EXOC4: variants seen among roughly 807,000 people sequenced by gnomAD.
EXOC4 encodes the protein SEC8-like 1.
EXOC4 carries 71 observed loss-of-function variants against 107.2 expected under a neutral mutation model. The ratio of observed to expected loss-of-function variants is 0.66; its 90% CI spans 0.55 to 0.81. The LOEUF (loss-of-function observed/expected upper bound fraction) is 0.81. Ranked by LOEUF, EXOC4 falls within the 30% of genes least tolerant of loss-of-function variation. EXOC4 has a pLI of 0.00. For missense variants in EXOC4, 1,108 were observed against 1,189.6 expected (o/e 0.93, Z 1.01); for synonymous variants, 456 against 441.2 (o/e 1.03, Z -0.42).
intron 11 of EXOC4, among the ~76,000 whole-genome samples, chr7:133,892,925 G>A (rs1799227767): frequency 1.9e-5 from 2 of 105,444 alleles, no homozygotes; most frequent in South Asian, 7.7e-4. Context: ...GGAGAGTTCT[G>A]TAGATGTCTA....
At chr7:133,566,275 A>G (rs1177356966) in intron 9 of EXOC4, among the ~76,000 whole-genome samples, 1 of 152,214 alleles carries the variant, frequency 6.6e-6, no homozygotes, top group South Asian at 2.1e-4. Flanking sequence ...CCTATAAGTC[A>G]GAAGCCAGTA....
At chr7:133,480,509 C>A in intron 9 of EXOC4, 2 of 1,011,308 alleles carry the variant, frequency 2.0e-6, no homozygotes, top group Non-Finnish European at 2.4e-6. Context: ...GACAGGAGTA[C>A]CTGAGATTTG....
At chr7:133,488,852 G>A (rs1054212424) in intron 9 of EXOC4, among the ~76,000 whole-genome samples, 5 of 151,142 alleles carry the variant, frequency 3.3e-5, no homozygotes, top group Non-Finnish European at 3.0e-5. Flanking sequence ...GAATCTCAAA[G>A]GTAGTCATAT....
In EXOC4 at chr7:133,324,552, C is replaced by T. The variant is rs149825553; in HGVS notation, c.763+7162C>T. On this transcript the variant is annotated intron_variant, in intron 5 of 17. Coordinates refer to ENST00000253861, the MANE Select transcript of EXOC4 (RefSeq NM_021807.4). ...AGTTTCTTAATCCTGAGTTCTAATTCGATTGCACTGTTGTCTGAGAGACAG... is the reference window on the plus strand; with the variant it reads ...AGTTTCTTAATCCTGAGTTCTAATTTGATTGCACTGTTGTCTGAGAGACAG... Among the ~76,000 whole-genome samples the T allele has an allele frequency of 9.9e-3, 1,512 of 152,174 alleles. 13 individuals carry two copies. The highest frequency in any genetic ancestry group is 0.024 in the Middle Eastern group (7 of 294).
At chr7:133,400,498 T>C (rs564179610) in intron 7 of EXOC4, among the ~76,000 whole-genome samples, 1 of 152,322 alleles carries the variant, frequency 6.6e-6, no homozygotes, top group Admixed American at 6.5e-5. Flanking sequence ...GACCAAAGAC[T>C]GTGTTTTTAC....
chr7:134,078,340 ATAT>A, the EXOC4 span, among the ~76,000 whole-genome samples: 5 of 151,318 alleles, frequency 3.3e-5, no homozygotes, highest in African/African-American at 9.7e-5. Context: ...TATATCTATA[ATAT>A]TATAGAGATT....
rs571674103 is a variant in EXOC4, at chr7:133,605,436, C to T, written c.1418-24609C>T. Among the ~76,000 whole-genome samples the T allele has an allele frequency of 5.9e-5, 9 of 152,294 alleles. No individual in the cohort carries two copies. In the South Asian group the frequency reaches 1.9e-3, roughly 32 times the overall value. On this transcript the variant is annotated intron_variant, in intron 9 of 17. Coordinates refer to ENST00000253861, the MANE Select transcript of EXOC4 (RefSeq NM_021807.4). ...TTTTTCCCACAGCCGCTGGCAACCACTAATCTATTTTCTGTCTCTATGGAT... is the reference window on the plus strand; with the variant it reads ...TTTTTCCCACAGCCGCTGGCAACCATTAATCTATTTTCTGTCTCTATGGAT...
intron 17 of EXOC4, among the ~76,000 whole-genome samples, chr7:134,051,671 CAAAAAAA>C (rs71172425): frequency 9.3e-6 from 1 of 107,782 alleles, no homozygotes. Flanking sequence ...GACTCCGTCT[CAAAAAAA>C]AAAAAAAAAA....
At chr7:133,492,323 T>A (rs1311607229) in intron 9 of EXOC4, among the ~76,000 whole-genome samples, 1 of 152,148 alleles carries the variant, frequency 6.6e-6, no homozygotes, top group Non-Finnish European at 1.5e-5. Flanking sequence ...TATTTTGGTG[T>A]CTTGGGTAGG....
At chr7:133,960,495 T>C (rs994710151) in intron 14 of EXOC4, among the ~76,000 whole-genome samples, 10 of 152,204 alleles carry the variant, frequency 6.6e-5, no homozygotes, top group Admixed American at 6.5e-4. Flanking sequence ...TTTTTGTTGG[T>C]AATTTTTAAA....
At chr7:134,099,775 C>G in the EXOC4 span, among the ~76,000 whole-genome samples, 1 of 152,102 alleles carries the variant, frequency 6.6e-6, no homozygotes, top group Admixed American at 6.5e-5. Flanking sequence ...GGCGAAATCT[C>G]AGTTCACTGC....
intron 9 of EXOC4, among the ~76,000 whole-genome samples, chr7:133,556,759 A>G (rs1800698463): frequency 6.6e-6 from 1 of 152,182 alleles, no homozygotes; most frequent in African/African-American, 2.4e-5. Context: ...GTTGAAAATG[A>G]TGGATGACTT....
chr7:133,407,327 CAT>C (rs935584977), intron 7 of EXOC4, among the ~76,000 whole-genome samples: 2 of 151,936 alleles, frequency 1.3e-5, no homozygotes, highest in African/African-American at 4.8e-5. Flanking sequence ...ATAAATCCCA[CAT>C]GTCTTAGCTT....
chr7:133,668,080 T>C (rs1192435342), intron 10 of EXOC4, among the ~76,000 whole-genome samples: 2 of 152,188 alleles, frequency 1.3e-5, no homozygotes, highest in Non-Finnish European at 2.9e-5. Context: ...TACAGACAAA[T>C]ATAAAGTGAC....
At chr7:133,614,325 G>T (rs1802139487) in intron 9 of EXOC4, among the ~76,000 whole-genome samples, 1 of 152,066 alleles carries the variant, frequency 6.6e-6, no homozygotes, top group Non-Finnish European at 1.5e-5. Context: ...CCAGTCTTTT[G>T]TTTGTACAGT....
chr7:133,804,355 A>C (rs183063013), intron 10 of EXOC4, among the ~76,000 whole-genome samples: 44 of 152,310 alleles, frequency 2.9e-4, no homozygotes, highest in African/African-American at 9.9e-4. Context: ...GACTCATATC[A>C]TTAGTGGCTA....
chr7:133,420,128 A>C (rs1283598356), intron 7 of EXOC4, among the ~76,000 whole-genome samples: 64 of 59,476 alleles, frequency 1.1e-3, no homozygotes, highest in Admixed American at 1.6e-3. Flanking sequence ...CCCTCCCCCC[A>C]CCCCACCACA....
chr7:133,987,322 C>T (rs1432882643), intron 14 of EXOC4, among the ~76,000 whole-genome samples: 2 of 142,664 alleles, frequency 1.4e-5, no homozygotes, highest in African/African-American at 5.3e-5. Flanking sequence ...ATTAGCCAGG[C>T]GTGGTGGTGC....
At chr7:133,401,013 A>G (rs756360221) in intron 7 of EXOC4, among the ~76,000 whole-genome samples, 36 of 152,192 alleles carry the variant, frequency 2.4e-4, no homozygotes, top group Non-Finnish European at 4.9e-4. Context: ...TGAGTTGTAC[A>G]GGAAGTAGTA....
Sources: allele counts gnomAD v4.1 joint callset (sites outside exome capture counted in the v4.1 genomes callset), GRCh38; gene constraint gnomAD v4.1.1; transcripts MANE v1.5; gene names NCBI Gene and HGNC (gene_info 2026-07-23, HGNC 2026-07-21).